RBFOX1: variants seen among roughly 807,000 people sequenced by gnomAD.
RBFOX1 encodes the protein RNA binding fox-1 homolog 1, also known as RNA binding protein fox-1 homolog 1.
RBFOX1 carries 8 observed loss-of-function variants against 57.7 expected under a neutral mutation model. That is an observed-to-expected ratio of 0.14 (90% CI 0.08 to 0.25). The LOEUF (loss-of-function observed/expected upper bound fraction) is 0.25. Among genes scored for constraint, RBFOX1 ranks in the 10% least tolerant of loss-of-function variants. RBFOX1 has a pLI of 1.00. For missense variants in RBFOX1, 611 were observed against 548.5 expected, an observed-to-expected ratio of 1.11 and a Z score of -1.14; for synonymous variants, 326 against 222.4, an observed-to-expected ratio of 1.47 and a Z score of -4.15.
chr16:6,618,597 G>A (rs1055397406), intron 2 of RBFOX1, among the ~76,000 whole-genome samples: 26 of 152,204 alleles, frequency 1.7e-4, no homozygotes, highest in Non-Finnish European at 1.5e-4. Context: ...GAGAGAATCA[G>A]AATACAGAAA....
intron 3 of RBFOX1, among the ~76,000 whole-genome samples, chr16:6,938,837 C>G (rs981723134): frequency 6.6e-6 from 1 of 152,108 alleles, no homozygotes; most frequent in Non-Finnish European, 1.5e-5. Context: ...TAGGCTGAGG[C>G]AGGAGAATCA....
At chr16:5,777,441 G>C (rs78665553) in intron 3 of RBFOX1, among the ~76,000 whole-genome samples, 5,553 of 152,238 alleles carry the variant, frequency 0.036, 310 homozygotes, top group African/African-American at 0.12. Flanking sequence ...CACATATTCA[G>C]ATGAGACTCT....
intron 4 of RBFOX1, among the ~76,000 whole-genome samples, chr16:7,103,018 C>T (rs574039545): frequency 6.6e-6 from 1 of 151,256 alleles, no homozygotes; most frequent in Non-Finnish European, 1.5e-5. Context: ...GACACACACA[C>T]GTCTATTTGT....
intron 4 of RBFOX1, among the ~76,000 whole-genome samples, chr16:7,386,742 C>G (rs1049088565): frequency 6.6e-6 from 1 of 151,966 alleles, no homozygotes; most frequent in Non-Finnish European, 1.5e-5. Context: ...GGTATATATC[C>G]AGTAATGGGA....
intron 2 of RBFOX1, among the ~76,000 whole-genome samples, chr16:6,358,971 C>G (rs975264637): frequency 2.0e-5 from 3 of 152,228 alleles, no homozygotes; most frequent in Non-Finnish European, 2.9e-5. Context: ...TCCCATTGCT[C>G]TGTCGGCGCC....
chr16:5,988,207 C>A (rs545932553), intron 4 of RBFOX1, among the ~76,000 whole-genome samples: 1 of 152,190 alleles, frequency 6.6e-6, no homozygotes, highest in Non-Finnish European at 1.5e-5. Context: ...ATCTGTTCAT[C>A]ATTTAACTCA....
At chr16:5,445,892 T>C (rs892577834) in intron 1 of RBFOX1, among the ~76,000 whole-genome samples, 1 of 152,252 alleles carries the variant, frequency 6.6e-6, no homozygotes, top group African/African-American at 2.4e-5. Flanking sequence ...TAGTTCTTTT[T>C]CTTTCTTATT....
intron 4 of RBFOX1, among the ~76,000 whole-genome samples, chr16:5,918,758 G>C (rs1035663219): frequency 6.6e-6 from 1 of 152,224 alleles, no homozygotes; most frequent in Non-Finnish European, 1.5e-5. Flanking sequence ...TGGTTGTCCT[G>C]AGGTTGATCA....
chr16:7,198,859 C>T (rs1474365920), intron 4 of RBFOX1, among the ~76,000 whole-genome samples: 1 of 152,206 alleles, frequency 6.6e-6, no homozygotes, highest in Admixed American at 6.5e-5. Context: ...CCATAGCACA[C>T]TATCAGAGGC....
chr16:6,690,503 T>A (rs1266153504), intron 3 of RBFOX1, among the ~76,000 whole-genome samples: 3 of 152,010 alleles, frequency 2.0e-5, no homozygotes, highest in Non-Finnish European at 4.4e-5. Flanking sequence ...CCTATTTGTT[T>A]AAAAAAATAG....
At chr16:6,215,988 A>G (rs1460092271) in intron 1 of RBFOX1, among the ~76,000 whole-genome samples, 2 of 152,172 alleles carry the variant, frequency 1.3e-5, no homozygotes, top group African/African-American at 4.8e-5. Flanking sequence ...AGGGACATGG[A>G]TGGAGCTGGA....
intron 4 of RBFOX1, among the ~76,000 whole-genome samples, chr16:7,284,530 T>C (rs1230469073): frequency 6.6e-6 from 1 of 151,938 alleles, no homozygotes; most frequent in African/African-American, 2.4e-5. Context: ...GAGGTCCTGC[T>C]ATATTGTCCA....
chr16:6,193,379 TTATATATATATACTATATATATATATATA>T (rs1270228337), intron 1 of RBFOX1, among the ~76,000 whole-genome samples: 1 of 63,136 alleles, frequency 1.6e-5, no homozygotes, highest in Non-Finnish European at 3.2e-5. Context: ...TATATATACA[TTATATATATATACTATATATATATATATA>T]TATATATATA....
chr16:5,616,257 G>A (rs1567302956), intron 3 of RBFOX1: 1 of 152,322 alleles, frequency 6.6e-6, no homozygotes, highest in Non-Finnish European at 1.5e-5. Context: ...TGCCTCCCGC[G>A]GCTGGAAACC....
intron 2 of RBFOX1, among the ~76,000 whole-genome samples, chr16:6,649,358 T>C (rs2098558024): frequency 6.6e-6 from 1 of 152,128 alleles, no homozygotes. Context: ...GGACACTTAG[T>C]TTTTTGCTTT....
At chr16:6,050,206 CA>C (rs1376876803) in intron 1 of RBFOX1, among the ~76,000 whole-genome samples, 2 of 152,246 alleles carry the variant, frequency 1.3e-5, no homozygotes, top group African/African-American at 4.8e-5. Flanking sequence ...GTGATCTGCC[CA>C]CCTTGGCCTT....
At chr16:5,276,651 C>G (rs756579430) in intron 1 of RBFOX1, among the ~76,000 whole-genome samples, 1 of 152,116 alleles carries the variant, frequency 6.6e-6, no homozygotes, top group Non-Finnish European at 1.5e-5. Context: ...GGCATGGTGG[C>G]GGTTGCCTGT....
intron 5 of RBFOX1, among the ~76,000 whole-genome samples, chr16:7,575,090 T>C (rs1480031661): frequency 1.3e-5 from 2 of 152,044 alleles, no homozygotes; most frequent in African/African-American, 4.8e-5. Context: ...CAGATGTAAC[T>C]AAGGATCAAC....
chr16:5,424,826 C>G (rs1011566021), intron 1 of RBFOX1, among the ~76,000 whole-genome samples: 3 of 150,884 alleles, frequency 2.0e-5, no homozygotes, highest in Admixed American at 2.0e-4. Flanking sequence ...CTCCTCTCCT[C>G]TCCTCTCTTT....
Sources: gnomAD v4.1 joint callset for allele counts (sites outside exome capture counted in the v4.1 genomes callset) on GRCh38, gnomAD v4.1.1 for gene constraint, MANE v1.5 for transcripts, NCBI Gene and HGNC (gene_info 2026-07-23, HGNC 2026-07-21) for gene names.